GALNT10: variants seen among roughly 807,000 people sequenced by gnomAD.
GALNT10 encodes polypeptide N-acetylgalactosaminyltransferase 10.
A neutral mutation model predicts 75.0 loss-of-function variants in GALNT10; 41 were observed. The observed-to-expected ratio is 0.55, with a 90% confidence interval of 0.43 to 0.71. The LOEUF is 0.71. Among genes scored for constraint, GALNT10 ranks in the 30% least tolerant of loss-of-function variants. The probability of loss-of-function intolerance (pLI) is 0.00; values close to 1 mark genes in which losing one functional copy is unlikely to be tolerated. For missense variants in GALNT10, 727 were observed against 818.5 expected (o/e 0.89, Z 1.36); for synonymous variants, 302 against 313.0 (o/e 0.96, Z 0.37).
At chr5:154,325,351 G>T (rs940919806) in intron 3 of GALNT10, among the ~76,000 whole-genome samples, 3 of 151,952 alleles carry the variant, frequency 2.0e-5, no homozygotes, top group Non-Finnish European at 2.9e-5. Context: ...CAAATAAGTA[G>T]CTATATTAAT....
chr5:154,337,438 C>G, intron 4 of GALNT10: 1 of 658,652 alleles, frequency 1.5e-6, no homozygotes, highest in Non-Finnish European at 2.8e-6. Flanking sequence ...GCTATCCTCT[C>G]CTGCTAAGCT....
intron 2 of GALNT10, among the ~76,000 whole-genome samples, chr5:154,297,036 A>G (rs933550856): frequency 6.6e-6 from 1 of 152,246 alleles, no homozygotes; most frequent in Non-Finnish European, 1.5e-5. Context: ...CCAGAAGGCA[A>G]GATGATTTTT....
chr5:154,417,361 A>G lies in GALNT10; in HGVS notation c.*389A>G, dbSNP rs887983681. The G allele has an allele frequency of 1.8e-5, 3 of 169,094 alleles. No homozygotes were observed. The highest frequency in any genetic ancestry group is 1.7e-4 in the East Asian group (1 of 5,908). The allele number at this position is 169,094 out of a possible 1,614,324, so 10.5% of individuals were successfully genotyped here. On this transcript the variant is annotated 3_prime_UTR_variant, in exon 12 of 12. Transcript: ENST00000297107. ...CCCAGCCCTCAGATGGCTCTCCTACATGATGGTGCTTTAGAAACAAAGGTA... is the reference window on the plus strand; with the variant it reads ...CCCAGCCCTCAGATGGCTCTCCTACGTGATGGTGCTTTAGAAACAAAGGTA...
Position 154,409,826 on chromosome 5 carries a change from C to A in GALNT10, c.1386+64C>A. 9.2e-7 allele frequency: 1 copy of A among 1,089,268 alleles called. No homozygotes were observed. Among genetic ancestry groups the A allele is most frequent in the Non-Finnish European group, 1.4e-6 (1 of 706,154 alleles). 67.5% of individuals were successfully genotyped at this position (1,089,268 alleles called of 1,614,324 possible). On this transcript the variant is annotated intron_variant, in intron 9 of 11. Transcript: ENST00000297107. The surrounding 1 kb of genome is among the most constrained non-coding windows in gnomAD (Gnocchi z 4.5). ...GGTGTGCAAAATGCAAATGCAGATCCCATGTTCAAAAGGTAGAAAGTCAGT... is the reference window on the plus strand; with the variant it reads ...GGTGTGCAAAATGCAAATGCAGATCACATGTTCAAAAGGTAGAAAGTCAGT...
At chr5:154,290,283 T>G (rs978277715) in intron 1 of GALNT10, among the ~76,000 whole-genome samples, 2 of 139,496 alleles carry the variant, frequency 1.4e-5, no homozygotes, top group East Asian at 2.0e-4. Flanking sequence ...TTTTTTTTTT[T>G]GTATTTTTAG....
In GALNT10 at chr5:154,417,488, G is replaced by A. The variant is rs978308104; in HGVS notation, c.*516G>A. The A allele has an allele frequency of 6.4e-6, 1 of 155,868 alleles. No individual in the cohort carries two copies. Among genetic ancestry groups the A allele is most frequent in the Non-Finnish European group, 1.4e-5 (1 of 70,256 alleles). The allele number at this position is 155,868 out of a possible 1,614,324, so 9.7% of individuals were successfully genotyped here. ...CTTTTTAGTTTCTGCCGTCCTGGGG[G>A]GAACATTGCAGTTACTGCACAGCTT... On this transcript the variant is annotated 3_prime_UTR_variant, in exon 12 of 12. Coordinates refer to ENST00000297107, the MANE Select transcript of GALNT10 (RefSeq NM_198321.4).
chr5:154,211,855 A>T (rs1252819474), intron 1 of GALNT10, among the ~76,000 whole-genome samples: 1 of 152,132 alleles, frequency 6.6e-6, no homozygotes, highest in Admixed American at 6.5e-5. Flanking sequence ...CCCAGAGCAC[A>T]CCATCCAAGA....
At chr5:154,345,577 G>A (rs1217038251) in intron 4 of GALNT10, among the ~76,000 whole-genome samples, 1 of 148,798 alleles carries the variant, frequency 6.7e-6, no homozygotes, top group African/African-American at 2.5e-5. Flanking sequence ...ATTTCACTTA[G>A]CATAATGTCC....
intron 1 of GALNT10, among the ~76,000 whole-genome samples, chr5:154,200,466 G>A (rs889326619): frequency 1.3e-5 from 2 of 152,184 alleles, no homozygotes; most frequent in African/African-American, 2.4e-5. Flanking sequence ...TGAAAATTAC[G>A]TCCTGCTGCT....
intron 4 of GALNT10, among the ~76,000 whole-genome samples, chr5:154,368,792 T>G (rs1755517289): frequency 6.6e-6 from 1 of 152,246 alleles, no homozygotes; most frequent in Non-Finnish European, 1.5e-5. Context: ...TTTTTAATTT[T>G]CCTGCTGTTT....
intron 1 of GALNT10, among the ~76,000 whole-genome samples, chr5:154,253,044 T>C (rs1290494118): frequency 6.8e-6 from 1 of 147,508 alleles, no homozygotes; most frequent in East Asian, 2.0e-4. Flanking sequence ...ATTTGTGAAA[T>C]GGTTTTTTTT....
At position 154,409,024 on chromosome 5, in the gene GALNT10, G is replaced by A. The variant is rs970874984; in HGVS notation, c.1165-517G>A. On this transcript the variant is annotated intron_variant, in intron 8 of 11. Coordinates refer to ENST00000297107, the MANE Select transcript of GALNT10 (RefSeq NM_198321.4). The surrounding 1 kb of genome is among the most constrained non-coding windows in gnomAD (Gnocchi z 4.5). ...TCCTTGGAGGCCATATGGCCCAGCA[G>A]CTCTGGCTGGCATCCTGTCTTACCC... Among the ~76,000 whole-genome samples, 1 of 152,118 alleles carries A rather than the reference G, an allele frequency of 6.6e-6. No homozygotes were observed. Among genetic ancestry groups the A allele is most frequent in the Non-Finnish European group, 1.5e-5 (1 of 68,018 alleles).
At chr5:154,242,693 C>A (rs2113668981) in intron 1 of GALNT10, among the ~76,000 whole-genome samples, 1 of 152,282 alleles carries the variant, frequency 6.6e-6, no homozygotes, top group Middle Eastern at 3.4e-3. Context: ...CTCTGTGTGA[C>A]AGTATTGTCC....
intron 1 of GALNT10, among the ~76,000 whole-genome samples, chr5:154,245,068 T>A (rs1165478387): frequency 6.6e-6 from 1 of 152,142 alleles, no homozygotes; most frequent in Non-Finnish European, 1.5e-5. Flanking sequence ...GCTGCACAGC[T>A]TTGCAATTTA....
At chr5:154,362,297 T>C (rs1755402634) in intron 4 of GALNT10, among the ~76,000 whole-genome samples, 1 of 152,044 alleles carries the variant, frequency 6.6e-6, no homozygotes, top group Non-Finnish European at 1.5e-5. Context: ...AGTCTTTCTG[T>C]CCATCACTGG....
chr5:154,404,169 G>T lies in GALNT10; in HGVS notation c.1122G>T (p.Lys374Asn), dbSNP rs1280234355. Reference protein sequence around the residue: ...PCSRVGHIYRKYVPYKVPAGV... With the variant: ...PCSRVGHIYRNYVPYKVPAGV... Reference sequence around the variant, plus strand: ...CCAGGGTGGGCCATATCTACAGGAAGTATGTGCCCTACAAGGTCCCGGCCG... The same window carrying T: ...CCAGGGTGGGCCATATCTACAGGAATTATGTGCCCTACAAGGTCCCGGCCG... The change falls in exon 8 of 12, where the codon AAG (lysine) becomes AAT (asparagine). Residue 374 changes from lysine to asparagine, a missense_variant. Physicochemically the swap from Lys to Asn is moderately conservative, Grantham distance 94 (BLOSUM62 0). Transcript: ENST00000297107. The T allele has an allele frequency of 6.2e-7, 1 of 1,612,660 alleles. No homozygotes were observed. Among genetic ancestry groups the T allele is most frequent in the Non-Finnish European group, 8.5e-7 (1 of 1,179,120 alleles).
rs774750485 is a variant in GALNT10 at position 154,376,368 on chromosome 5, C to T, written c.660C>T (p.Thr220=). 40 of 1,610,338 alleles carry T rather than the reference C, an allele frequency of 2.5e-5. No individual in the cohort carries two copies. Among genetic ancestry groups the T allele is most frequent in the Non-Finnish European group, 3.1e-5 (37 of 1,178,504 alleles). ...RTKKREGLIR[T]RMLGASVATG... ...AGAAACGGGAAGGGCTGATAAGGAC[C>T]CGAATGCTGGGGGCCTCAGTGGCAA... is the stretch of plus-strand genomic sequence containing the variant. Residue 220 remains threonine (T), a synonymous_variant, in exon 5 of 12, where the codon ACC becomes ACT. Transcript: ENST00000297107. This position sits in a 1 kb window ranked among gnomAD's most constrained non-coding sequence, Gnocchi z 4.1.
chr5:154,315,362 A>G (rs984189893), intron 3 of GALNT10, among the ~76,000 whole-genome samples: 6 of 152,232 alleles, frequency 3.9e-5, no homozygotes. Context: ...AAGGAGGTGG[A>G]GCCACGGCAC....
At chr5:154,225,619 G>A (rs901257777) in intron 1 of GALNT10, among the ~76,000 whole-genome samples, 4 of 151,390 alleles carry the variant, frequency 2.6e-5, no homozygotes, top group Non-Finnish European at 4.4e-5. Flanking sequence ...GCCCAGGTTG[G>A]TCTTGAATTC....
Sources: gnomAD v4.1 joint callset for allele counts (sites outside exome capture counted in the v4.1 genomes callset) on GRCh38, gnomAD v4.1.1 for gene constraint, Gnocchi (gnomAD v3.1) non-coding constraint, MANE v1.5 for transcripts, NCBI Gene and HGNC (gene_info 2026-07-23, HGNC 2026-07-21) for gene names.